The following FABP5 variants were observed in gnomAD, a reference collection of about 807,000 sequenced individuals.
FABP5 encodes fatty acid binding protein 5.
A neutral mutation model predicts 16.9 loss-of-function variants in FABP5; 7 were observed. The observed-to-expected ratio is 0.41, with a 90% CI of 0.24 to 0.78. FABP5 has a LOEUF of 0.78. Among genes scored for constraint, FABP5 ranks in the 30% least tolerant of loss-of-function variants. The probability of loss-of-function intolerance (pLI) is 0.30; values close to 1 mark genes in which losing one functional copy is unlikely to be tolerated. For missense variants in FABP5, 119 were observed against 159.5 expected (o/e 0.75, Z 1.37); for synonymous variants, 37 against 52.8 (o/e 0.70, Z 1.30).
chr8:81,284,269 G>A (rs1807878632), intron 3 of FABP5: 1 of 524,956 alleles, frequency 1.9e-6, no homozygotes, highest in Non-Finnish European at 3.4e-6. Context: ...TTAAAATAAG[G>A]AATATTTGCC....
intron 1 of FABP5, 43 bp from the exon 2 acceptor site, chr8:81,283,323 A>C: frequency 6.8e-7 from 1 of 1,474,980 alleles, no homozygotes; most frequent in Non-Finnish European, 9.2e-7. Context: ...GTAAATGATA[A>C]CTTTGGTCTT....
chr8:81,280,980 A>T (rs1205000317), intron 1 of FABP5: 3 of 353,014 alleles, frequency 8.5e-6, no homozygotes, highest in Non-Finnish European at 1.6e-5. Context: ...GCCCTTCCGC[A>T]TTGCTTCCTG....
chr8:81,280,787 C>G (rs1039382478), intron 1 of FABP5, 113 bp downstream of exon 1: 1 of 891,436 alleles, frequency 1.1e-6, no homozygotes, highest in Non-Finnish European at 1.8e-6. Flanking sequence ...GCGGCCTACC[C>G]CCATCCCCTC....
chr8:81,284,269 G>T (rs1807878632), intron 3 of FABP5: 1 of 524,838 alleles, frequency 1.9e-6, no homozygotes, highest in Non-Finnish European at 3.4e-6. Flanking sequence ...TTAAAATAAG[G>T]AATATTTGCC....
chr8:81,282,564 C>T (rs1807848500), intron 1 of FABP5, among the ~76,000 whole-genome samples: 1 of 151,902 alleles, frequency 6.6e-6, no homozygotes, highest in African/African-American at 2.4e-5. Context: ...TTAACTAACT[C>T]TAAGGGGAAA....
rs746593998 is a variant in FABP5, at chr8:81,283,327, TG to T, written c.80-37del. The stretch of plus-strand genomic sequence containing the variant: ...GCTTTTATCATGTAAATGATAACTT[TG>T]GTCTTCCTGTTATTTAACATGACTT... On this transcript the variant is annotated intron_variant, in intron 1 of 3. Coordinates refer to ENST00000297258, the MANE Select transcript of FABP5 (RefSeq NM_001444.3). The T allele has an allele frequency of 1.3e-5, 19 of 1,502,622 alleles. No homozygotes were observed. In the South Asian group the frequency reaches 2.2e-4, roughly 17 times the overall value. The allele number at this position is 1,502,622 out of a possible 1,614,324, so 93.1% of individuals were successfully genotyped here.
At position 81,283,203 on chromosome 8, in the gene FABP5, T is replaced by C. The variant is rs116593482; in HGVS notation, c.80-163T>C. ...AAGGCTTACCTGAATTTCATATATGTAAAGTGCTGGCTCATACCGTGGGAT... is the reference window on the plus strand; with the variant it reads ...AAGGCTTACCTGAATTTCATATATGCAAAGTGCTGGCTCATACCGTGGGAT... On this transcript the variant is annotated intron_variant, in intron 1 of 3. Coordinates refer to ENST00000297258, the MANE Select transcript of FABP5 (RefSeq NM_001444.3). 1,304 of 546,044 alleles carry C rather than the reference T, an allele frequency of 2.4e-3. 16 individuals carry two copies. Among genetic ancestry groups the C allele is most frequent in the African/African-American group, 0.023 (1,164 of 51,080 alleles). The allele number at this position is 546,044 out of a possible 1,614,324, so 33.8% of individuals were successfully genotyped here.
At chr8:81,284,372 C>T in intron 3 of FABP5, 142 bp from the exon 4 acceptor site, 1 of 605,038 alleles carries the variant, frequency 1.7e-6, no homozygotes, top group Non-Finnish European at 2.9e-6. Context: ...TTCTCTCAAA[C>T]CCGTGAATTC....
At chr8:81,284,284 C>A in intron 3 of FABP5, 2 of 525,146 alleles carry the variant, frequency 3.8e-6, no homozygotes, top group East Asian at 2.9e-5. Flanking sequence ...TTTGCCATAA[C>A]CAAAAGAATA....
intron 1 of FABP5, among the ~76,000 whole-genome samples, chr8:81,282,464 T>C (rs2131268096): frequency 6.6e-6 from 1 of 152,312 alleles, no homozygotes; most frequent in South Asian, 2.1e-4. Flanking sequence ...TGGCTGGGTG[T>C]TCTTCATCAA....
Position 81,283,346 on chromosome 8 carries a change from C to T in FABP5, c.80-20C>T. On this transcript the variant is annotated intron_variant, in intron 1 of 3. Transcript: ENST00000297258. Reference sequence around the variant, plus strand: ...TAACTTTGGTCTTCCTGTTATTTAACATGACTTAACATTCTACAGGAGTGG... The same window carrying T: ...TAACTTTGGTCTTCCTGTTATTTAATATGACTTAACATTCTACAGGAGTGG... The T allele has an allele frequency of 1.9e-6, 3 of 1,549,186 alleles. No homozygotes were observed. The highest frequency in any genetic ancestry group is 2.6e-6 in the Non-Finnish European group (3 of 1,146,886).
Position 81,283,201 on chromosome 8 carries a change from T to A in FABP5, c.80-165T>A, listed in dbSNP as rs779869143. ...GTAAGGCTTACCTGAATTTCATATA[T>A]GTAAAGTGCTGGCTCATACCGTGGG... On this transcript the variant is annotated intron_variant, in intron 1 of 3. Coordinates refer to ENST00000297258, the MANE Select transcript of FABP5 (RefSeq NM_001444.3). 263 of 533,922 alleles carry A rather than the reference T, an allele frequency of 4.9e-4. 1 individual carries two copies. The highest frequency in any genetic ancestry group is 8.0e-4 in the Non-Finnish European group (245 of 307,162). 33.1% of individuals were successfully genotyped at this position (533,922 alleles called of 1,614,324 possible).
At position 81,283,508 on chromosome 8, in the gene FABP5, A is replaced by G. The variant is rs1807867453; in HGVS notation, c.222A>G (p.Glu74=). 2 of 1,611,834 alleles carry G rather than the reference A, an allele frequency of 1.2e-6. No homozygotes were observed. Among genetic ancestry groups the G allele is most frequent in the East Asian group, 2.2e-5 (1 of 44,886 alleles). The change falls in exon 2 of 4, where the codon GAA becomes GAG. Residue 74 remains glutamate (E), a synonymous_variant. Coordinates refer to ENST00000297258, the MANE Select transcript of FABP5 (RefSeq NM_001444.3). ...CTTGTACCCTGGGAGAGAAGTTTGA[A>G]GAAACCACAGCTGATGGCAGAAAAA... ...QFSCTLGEKF[E]ETTADGRKTQ...
chr8:81,283,313 G>A, intron 1 of FABP5, 53 bp from the exon 2 acceptor site: 4 of 1,386,956 alleles, frequency 2.9e-6, no homozygotes, highest in Non-Finnish European at 3.0e-6. Context: ...CTTTTATCAT[G>A]TAAATGATAA....
At position 81,284,682 on chromosome 8, in the gene FABP5, C is replaced by G. The variant is rs932146399; in HGVS notation, c.*115C>G. 3.1e-5 allele frequency: 18 copies of G among 588,924 alleles called. No homozygotes were observed. The highest frequency in any genetic ancestry group is 4.5e-5 in the Non-Finnish European group (15 of 334,166). The allele number at this position is 588,924 out of a possible 1,614,324, so 36.5% of individuals were successfully genotyped here. A position where few individuals can be genotyped will look rare whatever the true frequency, so the allele number is the denominator to read the frequency against. ...TTTTTTCATTACTGTGTTCAATTATCTTTATCATAAACATTTTACATGCAG... is the reference window on the plus strand; with the variant it reads ...TTTTTTCATTACTGTGTTCAATTATGTTTATCATAAACATTTTACATGCAG... On this transcript the variant is annotated 3_prime_UTR_variant, in exon 4 of 4. Coordinates refer to ENST00000297258, the MANE Select transcript of FABP5 (RefSeq NM_001444.3).
chr8:81,281,541 C>T lies in FABP5; in HGVS notation c.79+867C>T. On this transcript the variant is annotated intron_variant, in intron 1 of 3. Transcript: ENST00000297258. The surrounding 1 kb of genome is among the most constrained non-coding windows in gnomAD (Gnocchi z 4.5). Reference sequence around the variant, plus strand: ...CACTTGAGGGTGAGGAGGAAGGAGGCAGTGGGCTTTGCTGGAAAACCGTAA... The same window carrying T: ...CACTTGAGGGTGAGGAGGAAGGAGGTAGTGGGCTTTGCTGGAAAACCGTAA... 2 of 985,766 alleles carry T rather than the reference C, an allele frequency of 2.0e-6. No homozygotes were observed. The highest frequency in any genetic ancestry group is 2.4e-6 in the Non-Finnish European group (2 of 830,186). The allele number at this position is 985,766 out of a possible 1,614,324, so 61.1% of individuals were successfully genotyped here. A position where few individuals can be genotyped will look rare whatever the true frequency, so the allele number is the denominator to read the frequency against.
intron 1 of FABP5, chr8:81,280,933 C>T: frequency 4.2e-6 from 2 of 472,304 alleles, no homozygotes; most frequent in Non-Finnish European, 7.7e-6. Context: ...CCCCGTGGTC[C>T]ACCTACCTCT....
At chr8:81,284,105 T>A in intron 3 of FABP5, 131 bp downstream of exon 3, 1 of 661,106 alleles carries the variant, frequency 1.5e-6, no homozygotes, top group Non-Finnish European at 2.6e-6. Context: ...AGTTAAATAC[T>A]AGAACACTAA....
chr8:81,281,721 C>T lies in FABP5; in HGVS notation c.79+1047C>T. 1.0e-6 allele frequency: 1 copy of T among 956,016 alleles called. No homozygotes were observed. The highest frequency in any genetic ancestry group is 4.8e-5 in the South Asian group (1 of 20,760). 59.2% of individuals were successfully genotyped at this position (956,016 alleles called of 1,614,324 possible). ...ACAGTGCTTCATTATAAATTACTGT[C>T]CTTTTCTATGCCAGTGACAGATTGC... On this transcript the variant is annotated intron_variant, in intron 1 of 3. Coordinates refer to ENST00000297258, the MANE Select transcript of FABP5 (RefSeq NM_001444.3). This position sits in a 1 kb window ranked among gnomAD's most constrained non-coding sequence, Gnocchi z 4.5.
Sources: gnomAD v4.1 joint callset for allele counts (sites outside exome capture counted in the v4.1 genomes callset) on GRCh38, gnomAD v4.1.1 for gene constraint, Gnocchi (gnomAD v3.1) non-coding constraint, MANE v1.5 for transcripts, NCBI Gene and HGNC (gene_info 2026-07-23, HGNC 2026-07-21) for gene names.